MOK: variants seen among roughly 807,000 people sequenced by gnomAD.
MOK encodes the protein MOK protein kinase, also known as MAPK/MAK/MRK overlapping kinase.
In MOK, 59 loss-of-function variants were observed where a neutral mutation model predicts 54.2. That is an observed-to-expected ratio of 1.09 (90% CI 0.88 to 1.35). The LOEUF is 1.35. Among genes scored for constraint, MOK ranks in the 40% most tolerant of loss-of-function variants. MOK has a pLI of 0.00. For synonymous variants in MOK, 210 were observed against 202.7 expected (o/e 1.04, Z -0.31); for missense variants, 517 against 526.2 (o/e 0.98, Z 0.17).
intron 2 of MOK, among the ~76,000 whole-genome samples, chr14:102,269,624 C>A (rs1597459145): frequency 6.6e-6 from 1 of 152,140 alleles, no homozygotes; most frequent in African/African-American, 2.4e-5. Context: ...AGGCACCTGC[C>A]ACCATGCCTG....
At chr14:102,225,589 G>C (rs1463430703), downstream of MOK, 2 of 152,554 alleles carry the variant, frequency 1.3e-5, no homozygotes, top group Non-Finnish European at 2.9e-5. Flanking sequence ...ACCCTTCGCT[G>C]GTTCTGGAAT....
chr14:102,300,323 CAAAAA>C (rs71468398), intron 1 of MOK, among the ~76,000 whole-genome samples: 9 of 38,498 alleles, frequency 2.3e-4, no homozygotes, highest in South Asian at 9.8e-4. Context: ...AACTCTATCT[CAAAAA>C]AAAAAAAAAA....
intron 2 of MOK, among the ~76,000 whole-genome samples, chr14:102,280,999 C>T (rs927994720): frequency 1.3e-5 from 2 of 151,984 alleles, no homozygotes; most frequent in South Asian, 2.1e-4. Flanking sequence ...CGAGACCAGC[C>T]GCAATATGGC....
rs773093883 is a variant in MOK, at chr14:102,229,466, C to T, written c.1173G>A (p.Ala391=). Residue 391 remains alanine, a synonymous_variant, in exon 11 of 12, where the codon GCG becomes GCA. Transcript: ENST00000361847. ...GCTGGTTCCGCGCTACCTTCTTGCT[C>T]GCAGGGATGCACTTCAAGGGTCTCA... ...PVLRPLKCIP[A]SKKTDPQKDL... 2 of 1,614,158 alleles carry T rather than the reference C, an allele frequency of 1.2e-6. No individual in the cohort carries two copies. Among genetic ancestry groups the T allele is most frequent in the Middle Eastern group, 1.6e-4 (1 of 6,062 alleles).
intron 4 of MOK, 34 bp from the exon 5 acceptor site, chr14:102,252,029 C>T (rs922543481): frequency 8.5e-7 from 1 of 1,169,812 alleles, no homozygotes; most frequent in Non-Finnish European, 1.3e-6. Context: ...AATACGGTTA[C>T]TGATGGTACA....
intron 1 of MOK, among the ~76,000 whole-genome samples, chr14:102,294,985 G>A (rs1166781849): frequency 6.6e-6 from 1 of 152,086 alleles, no homozygotes; most frequent in Non-Finnish European, 1.5e-5. Context: ...AGGATAAGAG[G>A]CAGGGATTAA....
intron 7 of MOK, among the ~76,000 whole-genome samples, chr14:102,244,190 G>A (rs951707760): frequency 3.3e-5 from 5 of 150,746 alleles, no homozygotes; most frequent in African/African-American, 9.7e-5. Flanking sequence ...CCCACTGCTC[G>A]GGGCAACGCT....
chr14:102,281,780 T>C (rs2069469375), intron 2 of MOK, among the ~76,000 whole-genome samples: 2 of 151,934 alleles, frequency 1.3e-5, no homozygotes, highest in South Asian at 4.2e-4. Flanking sequence ...CAGTATACTG[T>C]GCATCAAATC....
intron 4 of MOK, among the ~76,000 whole-genome samples, chr14:102,263,235 T>G (rs1597427184): frequency 6.6e-6 from 1 of 152,262 alleles, no homozygotes; most frequent in East Asian, 1.9e-4. Flanking sequence ...CCAGCGGGCC[T>G]GCACACACAT....
downstream of MOK, among the ~76,000 whole-genome samples, chr14:102,226,638 G>A (rs961230920): frequency 3.9e-5 from 6 of 152,180 alleles, no homozygotes; most frequent in Non-Finnish European, 7.4e-5. This position sits in a 1 kb window ranked among gnomAD's most constrained non-coding sequence, Gnocchi z 4.8. Flanking sequence ...CAGCTGAAGC[G>A]GCCTGGGGAC....
chr14:102,271,172 G>T (rs1488259809), intron 2 of MOK, among the ~76,000 whole-genome samples: 1 of 152,142 alleles, frequency 6.6e-6, no homozygotes, highest in East Asian at 1.9e-4. Context: ...ATGACAGAGC[G>T]AGACTCCATC....
At chr14:102,217,852 G>A in the MOK span, among the ~76,000 whole-genome samples, 3 of 152,232 alleles carry the variant, frequency 2.0e-5, no homozygotes, top group African/African-American at 7.2e-5. Context: ...TTTCCGCACC[G>A]TCTCTAAAAA....
In MOK at chr14:102,232,913, T is replaced by C. The variant is rs2064865817; in HGVS notation, c.693-205A>G. On this transcript the variant is annotated intron_variant, in intron 8 of 11. Coordinates refer to ENST00000361847, the MANE Select transcript of MOK (RefSeq NM_014226.3). This position sits in a 1 kb window ranked among gnomAD's most constrained non-coding sequence, Gnocchi z 5.1. The stretch of plus-strand genomic sequence containing the variant: ...TGTGTAGTAATGAGATATCCACGGT[T>C]CATCGACCATAATAAACACACCACT... The C allele has an allele frequency of 2.3e-6, 1 of 437,154 alleles. No individual in the cohort carries two copies. The highest frequency in any genetic ancestry group is 4.0e-6 in the Non-Finnish European group (1 of 248,334). 27.1% of individuals were successfully genotyped at this position (437,154 alleles called of 1,614,324 possible). A position where few individuals can be genotyped will look rare whatever the true frequency, so the allele number is the denominator to read the frequency against.
chr14:102,260,195 A>C (rs2067273961), intron 4 of MOK, among the ~76,000 whole-genome samples: 1 of 150,556 alleles, frequency 6.6e-6, no homozygotes. Context: ...AAAAAAAAAA[A>C]CTTAGCTGGG....
At position 102,231,530 on chromosome 14, in the gene MOK, G is replaced by T; in HGVS notation, c.981+177C>A. The T allele has an allele frequency of 1.7e-6, 1 of 578,498 alleles. No individual in the cohort carries two copies. The highest frequency in any genetic ancestry group is 3.1e-6 in the Non-Finnish European group (1 of 321,094). The allele number at this position is 578,498 out of a possible 1,614,324, so 35.8% of individuals were successfully genotyped here. On this transcript the variant is annotated intron_variant, in intron 10 of 11. Coordinates refer to ENST00000361847, the MANE Select transcript of MOK (RefSeq NM_014226.3). The surrounding 1 kb of genome is among the most constrained non-coding windows in gnomAD (Gnocchi z 4.4). The stretch of plus-strand genomic sequence containing the variant: ...AAAGGGCTTGAGCAAATAGAACTGG[G>T]GTCCCTGATGTCCCAACACATGGAG...
downstream of MOK, among the ~76,000 whole-genome samples, chr14:102,222,177 T>C (rs2063970360): frequency 1.3e-5 from 2 of 151,822 alleles, no homozygotes; most frequent in Non-Finnish European, 2.9e-5. This position sits in a 1 kb window ranked among gnomAD's most constrained non-coding sequence, Gnocchi z 4.4. Context: ...CCTGGTGGGT[T>C]GGCCCCCACA....
Position 102,231,461 on chromosome 14 carries a change from G to C in MOK, c.981+246C>G, listed in dbSNP as rs777727976. ...ATGCAAACATCCCCTCTCTGGGCCTGCTCACATGGGATATTCGTCATCAAT... is the reference window on the plus strand; with the variant it reads ...ATGCAAACATCCCCTCTCTGGGCCTCCTCACATGGGATATTCGTCATCAAT... On this transcript the variant is annotated intron_variant, in intron 10 of 11. Transcript: ENST00000361847. This position sits in a 1 kb window ranked among gnomAD's most constrained non-coding sequence, Gnocchi z 4.4. The C allele has an allele frequency of 4.3e-6, 2 of 461,866 alleles. No homozygotes were observed. The highest frequency in any genetic ancestry group is 7.8e-6 in the Non-Finnish European group (2 of 256,658). The allele number at this position is 461,866 out of a possible 1,614,324, so 28.6% of individuals were successfully genotyped here.
Position 102,245,239 on chromosome 14 carries a change from A to G in MOK, c.590+5573T>C, listed in dbSNP as rs1385344256. On this transcript the variant is annotated intron_variant, in intron 7 of 11. Coordinates refer to ENST00000361847, the MANE Select transcript of MOK (RefSeq NM_014226.3). The surrounding 1 kb of genome is among the most constrained non-coding windows in gnomAD (Gnocchi z 4.3). ...TACCCCAAAATCTTCCTTCAGCTGAATCTCTCCCACTCCAGGTTCCCACGC... is the reference window on the plus strand; with the variant it reads ...TACCCCAAAATCTTCCTTCAGCTGAGTCTCTCCCACTCCAGGTTCCCACGC... Among the ~76,000 whole-genome samples the G allele has an allele frequency of 1.3e-5, 2 of 151,876 alleles. No individual in the cohort carries two copies. The highest frequency in any genetic ancestry group is 2.1e-4 in the South Asian group (1 of 4,796).
downstream of MOK, among the ~76,000 whole-genome samples, chr14:102,219,937 G>T (rs1405305249): frequency 6.6e-6 from 1 of 152,230 alleles, no homozygotes; most frequent in African/African-American, 2.4e-5. Flanking sequence ...GCATGAAGGT[G>T]GTTCTAGTTG....
Sources: allele counts gnomAD v4.1 joint callset (sites outside exome capture counted in the v4.1 genomes callset), GRCh38; gene constraint gnomAD v4.1.1; non-coding constraint Gnocchi (gnomAD v3.1); transcripts MANE v1.5; gene names NCBI Gene and HGNC (gene_info 2026-07-23, HGNC 2026-07-21).